Variants in ADCY2 observed in about 807,000 individuals in gnomAD.
ADCY2 encodes adenylate cyclase type 2.
In ADCY2, 31 loss-of-function variants were observed where a neutral mutation model predicts 125.2. That is an observed-to-expected ratio of 0.25 (90% confidence interval 0.19 to 0.33). ADCY2 has a LOEUF of 0.33. ADCY2 is among the 10% of genes least tolerant of loss of function. The probability of loss-of-function intolerance (pLI) is 1.00; values close to 1 mark genes in which losing one functional copy is unlikely to be tolerated. For synonymous variants in ADCY2, 512 were observed against 548.4 expected (o/e 0.93, Z 0.93); for missense variants, 904 against 1,418.2 (o/e 0.64, Z 5.82).
intron 4 of ADCY2, among the ~76,000 whole-genome samples, chr5:7,657,313 A>T (rs1479333700): frequency 6.6e-6 from 1 of 152,232 alleles, no homozygotes; most frequent in African/African-American, 2.4e-5. Flanking sequence ...AGTGAAGCTC[A>T]TTGAGTCATT....
chr5:7,589,488 AAGAAAGAAAG>A (rs1178418212), intron 3 of ADCY2, among the ~76,000 whole-genome samples: 2 of 65,048 alleles, frequency 3.1e-5, no homozygotes, highest in Non-Finnish European at 4.0e-5. Context: ...GAAAGAAAGA[AAGAAAGAAAG>A]AAAGAAAGAA....
At chr5:7,655,651 A>ACATCTCAT (rs1739296566) in intron 4 of ADCY2, among the ~76,000 whole-genome samples, 1 of 152,218 alleles carries the variant, frequency 6.6e-6, no homozygotes, top group Admixed American at 6.5e-5. Flanking sequence ...TCATCTGCAG[A>ACATCTCAT]CACCCTCACA....
chr5:7,596,080 A>G (rs1336202284), intron 3 of ADCY2, among the ~76,000 whole-genome samples: 1 of 152,118 alleles, frequency 6.6e-6, no homozygotes, highest in African/African-American at 2.4e-5. Flanking sequence ...TATATTAAAT[A>G]TATACTGAGG....
chr5:7,418,647 G>GTTTTTTTTTTTTTTTTTTTTTTTTTTTT lies in ADCY2; in HGVS notation c.408+3903_408+3904insTTTTTTTTTTTTTTTTTTTTTTTTTTTT, dbSNP rs869287430. On this transcript the variant is annotated intron_variant, in intron 2 of 24. Transcript: ENST00000338316. The stretch of plus-strand genomic sequence containing the variant: ...AATTAAAAACAAAAGTCTACCTTCT[G>GTTTTTTTTTTTTTTTTTTTTTTTTTTTT]TTTTTTTTTTTTTTTTTTTTTTTTT... 2.7e-5 allele frequency among the ~76,000 whole-genome samples: 2 copies of GTTTTTTTTTTTTTTTTTTTTTTTTTTTT among 73,750 alleles called. 1 individual carries two copies. The highest frequency in any genetic ancestry group is 5.2e-5 in the Non-Finnish European group (2 of 38,674). 48.4% of individuals were successfully genotyped at this position (73,750 alleles called of 152,430 possible). A position where few individuals can be genotyped will look rare whatever the true frequency, so the allele number is the denominator to read the frequency against.
chr5:7,686,235 TA>T (rs1486190418), intron 4 of ADCY2, among the ~76,000 whole-genome samples: 2 of 152,114 alleles, frequency 1.3e-5, no homozygotes, highest in African/African-American at 4.8e-5. Context: ...TGAAATAGTC[TA>T]AAAAAAGACA....
intron 23 of ADCY2, among the ~76,000 whole-genome samples, chr5:7,817,878 A>G (rs892889364): frequency 6.7e-6 from 1 of 150,200 alleles, no homozygotes; most frequent in South Asian, 2.1e-4. Context: ...GTTGAAAACA[A>G]AGGCTTCCTG....
intron 15 of ADCY2, among the ~76,000 whole-genome samples, chr5:7,751,824 A>G (rs1742833953): frequency 1.3e-5 from 2 of 152,166 alleles, no homozygotes; most frequent in Non-Finnish European, 2.9e-5. Context: ...GTCCTGATCC[A>G]GGACACTCCT....
intron 14 of ADCY2, among the ~76,000 whole-genome samples, chr5:7,733,467 CA>C (rs1742164689): frequency 6.6e-6 from 1 of 152,104 alleles, no homozygotes; most frequent in South Asian, 2.1e-4. Flanking sequence ...GCCATTTACA[CA>C]GAGAGAATCC....
chr5:7,679,312 A>C (rs1040671089), intron 4 of ADCY2, among the ~76,000 whole-genome samples: 1 of 152,018 alleles, frequency 6.6e-6, no homozygotes, highest in African/African-American at 2.4e-5. Context: ...TGCAGGGTCA[A>C]AGAAAGGAGG....
chr5:7,596,320 A>C (rs1321809569), intron 3 of ADCY2, among the ~76,000 whole-genome samples: 1 of 152,062 alleles, frequency 6.6e-6, no homozygotes, highest in Non-Finnish European at 1.5e-5. Flanking sequence ...ACCCAAGGCA[A>C]TACGAAACTC....
chr5:7,518,113 T>C (rs1292751533), intron 2 of ADCY2, among the ~76,000 whole-genome samples: 1 of 152,324 alleles, frequency 6.6e-6, no homozygotes, highest in South Asian at 2.1e-4. Flanking sequence ...TACACAACAA[T>C]TGATTTTCCC....
chr5:7,693,413 GTTTTTTTTTTT>G (rs70940751), intron 5 of ADCY2, among the ~76,000 whole-genome samples: 1 of 32,412 alleles, frequency 3.1e-5, no homozygotes, highest in African/African-American at 6.7e-5. Flanking sequence ...GCTGTTTTTT[GTTTTTTTTTTT>G]TTTTTTTTTT....
chr5:7,674,957 C>T (rs534345166), intron 4 of ADCY2, among the ~76,000 whole-genome samples: 1 of 152,136 alleles, frequency 6.6e-6, no homozygotes, highest in Non-Finnish European at 1.5e-5. Context: ...AGATCGAGAC[C>T]ATCCTGGCTA....
At chr5:7,600,273 G>A (rs1737155835) in intron 3 of ADCY2, among the ~76,000 whole-genome samples, 1 of 152,208 alleles carries the variant, frequency 6.6e-6, no homozygotes, top group Non-Finnish European at 1.5e-5. Flanking sequence ...AAGGGATGGA[G>A]CTGTAGTGAG....
intron 14 of ADCY2, among the ~76,000 whole-genome samples, chr5:7,728,190 T>C (rs1196638172): frequency 6.6e-6 from 1 of 152,156 alleles, no homozygotes; most frequent in African/African-American, 2.4e-5. Flanking sequence ...CTCAAACTGC[T>C]TAGATTGAGT....
chr5:7,501,984 G>T (rs1743611657), intron 2 of ADCY2, among the ~76,000 whole-genome samples: 1 of 152,104 alleles, frequency 6.6e-6, no homozygotes, highest in Non-Finnish European at 1.5e-5. Context: ...CGATCAATGG[G>T]AGACTTTCAA....
At position 7,573,593 on chromosome 5, in the gene ADCY2, CTTTTTTT is replaced by C. The variant is rs763347773; in HGVS notation, c.571-52555_571-52549del. Among the ~76,000 whole-genome samples the C allele has an allele frequency of 3.6e-3, 313 of 86,374 alleles. 1 individual carries two copies. Among genetic ancestry groups the C allele is most frequent in the African/African-American group, 0.012 (270 of 22,534 alleles). The allele number at this position is 86,374 out of a possible 152,430, so 56.7% of individuals were successfully genotyped here. A position where few individuals can be genotyped will look rare whatever the true frequency, so the allele number is the denominator to read the frequency against. On this transcript the variant is annotated intron_variant, in intron 3 of 24. Transcript: ENST00000338316. ...GCCTCTGGGATACAGGGTTGATTTTCTTTTTTTTTTTTTTTTTTTTTTTTTGAGAAAA... is the reference window on the plus strand; with the variant it reads ...GCCTCTGGGATACAGGGTTGATTTTCTTTTTTTTTTTTTTTTTTGAGAAAA...
intron 3 of ADCY2, among the ~76,000 whole-genome samples, chr5:7,589,462 GAAAGAAAGAA>G (rs1361906602): frequency 2.9e-5 from 1 of 34,204 alleles, no homozygotes; most frequent in African/African-American, 9.3e-5. Flanking sequence ...GAAAGAAAAA[GAAAGAAAGAA>G]AGAAAGAAAG....
intron 2 of ADCY2, among the ~76,000 whole-genome samples, chr5:7,456,717 A>T (rs1413790370): frequency 2.0e-5 from 3 of 152,218 alleles, no homozygotes; most frequent in Non-Finnish European, 4.4e-5. Flanking sequence ...TGAAGTCTTG[A>T]TGACTGTAGG....
Sources: allele counts gnomAD v4.1 joint callset (sites outside exome capture counted in the v4.1 genomes callset), GRCh38; gene constraint gnomAD v4.1.1; transcripts MANE v1.5; gene names NCBI Gene and HGNC (gene_info 2026-07-23, HGNC 2026-07-21).